The following UHRF2 variants were observed in gnomAD, a reference collection of about 807,000 sequenced individuals.
UHRF2 encodes ubiquitin like with PHD and ring finger domains 2.
UHRF2 carries 23 observed loss-of-function variants against 96.8 expected under a neutral mutation model. The ratio of observed to expected loss-of-function variants is 0.24; its 90% confidence interval spans 0.17 to 0.34. UHRF2 has a LOEUF of 0.34. Among genes scored for constraint, UHRF2 ranks in the 10% least tolerant of loss-of-function variants. The pLI, the probability that UHRF2 is intolerant of heterozygous loss-of-function variation, is 1.00. For missense variants in UHRF2, 685 were observed against 981.5 expected (o/e 0.70, Z 4.04); for synonymous variants, 385 against 332.6 (o/e 1.16, Z -1.72).
At chr9:6,482,219 T>A in intron 8 of UHRF2, 120 bp downstream of exon 8, 2 of 848,820 alleles carry the variant, frequency 2.4e-6, no homozygotes, top group Non-Finnish European at 3.8e-6. Flanking sequence ...GAATGAAATA[T>A]ATTTTTTAGG....
intron 12 of UHRF2, 61 bp from the exon 13 acceptor site, chr9:6,499,774 A>G: frequency 2.0e-6 from 2 of 1,020,560 alleles, no homozygotes; most frequent in Admixed American, 2.5e-5. Flanking sequence ...CCAGGATCTA[A>G]ACCCCCCTTC....
At chr9:6,499,420 T>C in intron 12 of UHRF2, 1 of 152,458 alleles carries the variant, frequency 6.6e-6, no homozygotes, top group East Asian at 1.9e-4. Context: ...CTTAATGTTC[T>C]TGATATTTTT....
intron 8 of UHRF2, among the ~76,000 whole-genome samples, chr9:6,485,100 C>G (rs868862270): frequency 2.6e-5 from 4 of 152,072 alleles, no homozygotes; most frequent in African/African-American, 9.7e-5. Flanking sequence ...GCCATATTAA[C>G]TTCTTTCTGT....
At chr9:6,486,335 T>A (rs1824288274) in intron 8 of UHRF2, among the ~76,000 whole-genome samples, 1 of 152,140 alleles carries the variant, frequency 6.6e-6, no homozygotes. Context: ...AAATCAGCAA[T>A]CCTTGTAACC....
At chr9:6,482,941 C>T (rs892246205) in intron 8 of UHRF2, among the ~76,000 whole-genome samples, 5 of 152,100 alleles carry the variant, frequency 3.3e-5, no homozygotes, top group African/African-American at 4.8e-5. Context: ...TACAATATAA[C>T]ATTTAGATAA....
At chr9:6,503,979 A>G (rs1420029666) in intron 14 of UHRF2, among the ~76,000 whole-genome samples, 1 of 151,214 alleles carries the variant, frequency 6.6e-6, no homozygotes, top group Non-Finnish European at 1.5e-5. Flanking sequence ...TCAGGTAGTT[A>G]AAAATCAAGA....
chr9:6,469,745 T>TAC (rs1823121013), intron 4 of UHRF2, among the ~76,000 whole-genome samples: 1 of 141,604 alleles, frequency 7.1e-6, no homozygotes, highest in African/African-American at 2.7e-5. Context: ...TGTATATATA[T>TAC]ACACGTATAT....
intron 3 of UHRF2, among the ~76,000 whole-genome samples, chr9:6,438,633 A>G (rs980544175): frequency 8.5e-5 from 13 of 152,320 alleles, no homozygotes; most frequent in East Asian, 3.9e-4. Context: ...AGGGAGATGT[A>G]TTGTACATGA....
intron 1 of UHRF2, among the ~76,000 whole-genome samples, chr9:6,420,364 T>C (rs1419121184): frequency 6.6e-6 from 1 of 151,420 alleles, no homozygotes; most frequent in African/African-American, 2.4e-5. Context: ...CCATTTTTTT[T>C]GTTTTAATGG....
intron 3 of UHRF2, among the ~76,000 whole-genome samples, chr9:6,439,663 C>G (rs1427873348): frequency 1.3e-5 from 2 of 152,152 alleles, no homozygotes; most frequent in Non-Finnish European, 2.9e-5. Flanking sequence ...TCAACCTAAT[C>G]AGTACTCAGG....
intron 12 of UHRF2, chr9:6,499,162 TC>T (rs1369603825): frequency 1.3e-5 from 2 of 152,264 alleles, no homozygotes; most frequent in African/African-American, 4.8e-5. Flanking sequence ...TGTGAGCCCA[TC>T]TGCTATGATG....
intron 1 of UHRF2, among the ~76,000 whole-genome samples, chr9:6,414,628 A>G (rs1254650061): frequency 2.0e-5 from 3 of 152,200 alleles, no homozygotes; most frequent in Non-Finnish European, 2.9e-5. Context: ...TCCTGAGTTG[A>G]TAGACCACAG....
chr9:6,498,194 A>G, intron 12 of UHRF2, 36 bp downstream of exon 12: 2 of 1,600,572 alleles, frequency 1.2e-6, no homozygotes, highest in Non-Finnish European at 1.7e-6. Context: ...CTGTGTGTTC[A>G]TAAAAATATA....
At chr9:6,415,322 T>C (rs574235223) in intron 1 of UHRF2, 6 of 152,368 alleles carry the variant, frequency 3.9e-5, no homozygotes, top group African/African-American at 1.4e-4. Flanking sequence ...GGTAATTCAC[T>C]ACTTGGGTTT....
chr9:6,455,871 C>T (rs975455362), intron 3 of UHRF2, among the ~76,000 whole-genome samples: 1 of 152,144 alleles, frequency 6.6e-6, no homozygotes, highest in African/African-American at 2.4e-5. Context: ...GTAGCCCCCG[C>T]TTCTTGGGAG....
chr9:6,477,746 T>C lies in UHRF2; in HGVS notation c.1098T>C (p.Asn366=), dbSNP rs1463982882. The C allele has an allele frequency of 6.2e-7, 1 of 1,614,094 alleles. No homozygotes were observed. The highest frequency in any genetic ancestry group is 1.7e-5 in the Admixed American group (1 of 60,014). Residue 366 remains asparagine (N), a synonymous_variant, in exon 6 of 16, where the codon AAT becomes AAC. Transcript: ENST00000276893. Reference sequence around the variant, plus strand: ...TGCAGCTTCTGTGTGATGAATGTAATGTGGCTTATCATATTTACTGTCTGA... The same window carrying C: ...TGCAGCTTCTGTGTGATGAATGTAACGTGGCTTATCATATTTACTGTCTGA... ...PNMQLLCDEC[N]VAYHIYCLNP...
chr9:6,448,878 T>C (rs1218157427), intron 3 of UHRF2, among the ~76,000 whole-genome samples: 1 of 152,334 alleles, frequency 6.6e-6, no homozygotes, highest in East Asian at 1.9e-4. Context: ...GGAAGAGCCT[T>C]TTGTGTTTAG....
At chr9:6,417,290 C>A (rs567266167) in intron 1 of UHRF2, among the ~76,000 whole-genome samples, 2 of 152,170 alleles carry the variant, frequency 1.3e-5, no homozygotes, top group Admixed American at 6.5e-5. Context: ...AAATCCTAAC[C>A]ATTTTTGCTT....
chr9:6,438,333 CTA>C (rs770399935), intron 3 of UHRF2, among the ~76,000 whole-genome samples: 8 of 152,148 alleles, frequency 5.3e-5, no homozygotes, highest in Non-Finnish European at 4.4e-5. Flanking sequence ...CAAAGAGAAT[CTA>C]TGAAGTTAGT....
Sources: allele counts gnomAD v4.1 joint callset (sites outside exome capture counted in the v4.1 genomes callset), GRCh38; gene constraint gnomAD v4.1.1; transcripts MANE v1.5; gene names NCBI Gene and HGNC (gene_info 2026-07-23, HGNC 2026-07-21).